WDR20: variants seen among roughly 807,000 people sequenced by gnomAD.
WDR20 encodes WD repeat domain 20, also known as WD repeat-containing protein 20.
WDR20 carries 3 observed loss-of-function variants against 38.7 expected under a neutral mutation model. The observed-to-expected ratio is 0.08, with a 90% confidence interval of 0.04 to 0.20. The LOEUF (loss-of-function observed/expected upper bound fraction) is 0.20, where lower values mean the gene tolerates loss of function less well. Among genes scored for constraint, WDR20 ranks in the 10% least tolerant of loss-of-function variants. The pLI is 1.00. For synonymous variants in WDR20, 298 were observed against 285.6 expected (o/e 1.04, Z -0.44); for missense variants, 559 against 727.7 (o/e 0.77, Z 2.67).
chr14:102,200,803 A>G (rs2060264234), intron 2 of WDR20, among the ~76,000 whole-genome samples: 1 of 152,202 alleles, frequency 6.6e-6, no homozygotes, highest in Non-Finnish European at 1.5e-5. Context: ...AGGCTGAGGC[A>G]GACACACTGG....
intron 1 of WDR20, among the ~76,000 whole-genome samples, chr14:102,140,640 G>A (rs1020174600): frequency 1.3e-5 from 2 of 152,140 alleles, no homozygotes; most frequent in Non-Finnish European, 2.9e-5. Context: ...GCCGGGAAGC[G>A]GAGCATTGAG....
At chr14:102,175,239 T>C (rs1249975364) in intron 1 of WDR20, among the ~76,000 whole-genome samples, 1 of 152,208 alleles carries the variant, frequency 6.6e-6, no homozygotes, top group Non-Finnish European at 1.5e-5. Context: ...AGGTGAGAGA[T>C]GAGGATCCAA....
chr14:102,161,378 AT>A (rs898903263), intron 1 of WDR20, among the ~76,000 whole-genome samples: 4 of 148,892 alleles, frequency 2.7e-5, no homozygotes, highest in African/African-American at 7.4e-5. Context: ...CAGCGGTGCG[AT>A]CATGGCTTAC....
Position 102,210,127 on chromosome 14 carries a change from A to G in WDR20, c.*247A>G. ...CAGTCATCCTCCTGGGAGTATATAG[A>G]GTCCCAAGGTTAGCGCTCCTGTATT... is the stretch of plus-strand genomic sequence containing the variant. On this transcript the variant is annotated 3_prime_UTR_variant, in exon 3 of 3. Coordinates refer to ENST00000342702, the MANE Select transcript of WDR20 (RefSeq NM_144574.4). 1 of 1,235,488 alleles carries G rather than the reference A, an allele frequency of 8.1e-7. No individual in the cohort carries two copies. Among genetic ancestry groups the G allele is most frequent in the Admixed American group, 4.0e-5 (1 of 25,210 alleles). 76.5% of individuals were successfully genotyped at this position (1,235,488 alleles called of 1,614,324 possible).
At chr14:102,149,265 A>G (rs935102603) in intron 1 of WDR20, among the ~76,000 whole-genome samples, 8 of 152,176 alleles carry the variant, frequency 5.3e-5, no homozygotes, top group African/African-American at 1.9e-4. Flanking sequence ...TCCTGGGCTC[A>G]AGTGATGCTT....
intron 2 of WDR20, among the ~76,000 whole-genome samples, chr14:102,205,090 C>CA (rs145290351): frequency 1.3e-5 from 2 of 152,000 alleles, no homozygotes; most frequent in Non-Finnish European, 2.9e-5. Context: ...CCTGTATTTA[C>CA]AAAAAATATA....
chr14:102,201,075 G>A (rs1379978369), intron 2 of WDR20, among the ~76,000 whole-genome samples: 3 of 152,206 alleles, frequency 2.0e-5, no homozygotes, highest in Admixed American at 6.5e-5. Flanking sequence ...AAATGAGCCC[G>A]TAATGATCTA....
chr14:102,145,889 A>G (rs891931154), intron 1 of WDR20, among the ~76,000 whole-genome samples: 8 of 152,220 alleles, frequency 5.3e-5, no homozygotes, highest in Non-Finnish European at 1.2e-4. Flanking sequence ...TGTACTGCCC[A>G]GAGAAGTTAC....
At chr14:102,214,776 T>C (rs959742545), downstream of WDR20, 24 of 979,082 alleles carry the variant, frequency 2.5e-5, no homozygotes, top group Admixed American at 6.1e-5. Context: ...ACATGAAATA[T>C]TGGTAAATTA....
At chr14:102,164,685 C>T (rs981979464) in intron 1 of WDR20, among the ~76,000 whole-genome samples, 3 of 152,218 alleles carry the variant, frequency 2.0e-5, no homozygotes, top group Admixed American at 6.5e-5. Context: ...TTTGTCTTGA[C>T]ATTTTAACCT....
At chr14:102,219,515 G>A (rs1172594018), downstream of WDR20, among the ~76,000 whole-genome samples, 1 of 152,228 alleles carries the variant, frequency 6.6e-6, no homozygotes, top group African/African-American at 2.4e-5. Flanking sequence ...GGCTTGCTGG[G>A]GTCACTGCTG....
intron 1 of WDR20, among the ~76,000 whole-genome samples, chr14:102,149,544 C>A (rs1036745404): frequency 2.6e-5 from 4 of 152,160 alleles, no homozygotes; most frequent in Admixed American, 2.6e-4. Context: ...AATTTGTTGC[C>A]TTGTATTTCT....
At chr14:102,143,881 A>G (rs1028991392) in intron 1 of WDR20, among the ~76,000 whole-genome samples, 8 of 151,530 alleles carry the variant, frequency 5.3e-5, no homozygotes, top group African/African-American at 1.7e-4. Context: ...TCCTTTTTTA[A>G]AAAAAGAGAT....
intron 2 of WDR20, among the ~76,000 whole-genome samples, chr14:102,199,632 C>T (rs970576387): frequency 6.6e-6 from 1 of 152,078 alleles, no homozygotes; most frequent in African/African-American, 2.4e-5. Context: ...CTTCACACAC[C>T]GAATCCCCAG....
chr14:102,166,574 G>C (rs1433578270), intron 1 of WDR20, among the ~76,000 whole-genome samples: 1 of 152,164 alleles, frequency 6.6e-6, no homozygotes, highest in Non-Finnish European at 1.5e-5. Context: ...TTCTGGACTT[G>C]ACAGTTTCTC....
downstream of WDR20, chr14:102,224,760 T>C: frequency 2.2e-6 from 1 of 456,122 alleles, no homozygotes; most frequent in South Asian, 1.5e-5. Context: ...GCAGGGACTC[T>C]GGATCACGGG....
intron 1 of WDR20, among the ~76,000 whole-genome samples, chr14:102,146,409 C>T (rs1014526931): frequency 9.2e-5 from 14 of 152,090 alleles, no homozygotes; most frequent in Non-Finnish European, 1.8e-4. Flanking sequence ...GTGATCCACC[C>T]GTCTCGGCCT....
At position 102,210,134 on chromosome 14, in the gene WDR20, A is replaced by G. The variant is rs2062261222; in HGVS notation, c.*254A>G. On this transcript the variant is annotated 3_prime_UTR_variant, in exon 3 of 3. Transcript: ENST00000342702. ...CCTCCTGGGAGTATATAGAGTCCCA[A>G]GGTTAGCGCTCCTGTATTAGACTAT... 5.8e-6 allele frequency: 7 copies of G among 1,215,116 alleles called. No homozygotes were observed. The highest frequency in any genetic ancestry group is 7.2e-6 in the Non-Finnish European group (7 of 975,206). 75.3% of individuals were successfully genotyped at this position (1,215,116 alleles called of 1,614,324 possible). A position where few individuals can be genotyped will look rare whatever the true frequency, so the allele number is the denominator to read the frequency against.
chr14:102,160,466 G>A (rs2058376785), intron 1 of WDR20, among the ~76,000 whole-genome samples: 1 of 152,058 alleles, frequency 6.6e-6, no homozygotes, highest in African/African-American at 2.4e-5. Context: ...GGAATTGAGG[G>A]AACATACTGT....
Sources: gnomAD v4.1 joint callset for allele counts (sites outside exome capture counted in the v4.1 genomes callset) on GRCh38, gnomAD v4.1.1 for gene constraint, MANE v1.5 for transcripts, NCBI Gene and HGNC (gene_info 2026-07-23, HGNC 2026-07-21) for gene names.